XKR5: variants seen among roughly 807,000 people sequenced by gnomAD.
XKR5 encodes XK-related protein 5.
XKR5 carries 46 observed loss-of-function variants against 40.8 expected under a neutral mutation model. The observed-to-expected ratio is 1.13, with a 90% confidence interval of 0.89 to 1.44. The LOEUF is 1.44. XKR5 is among the 40% of genes most tolerant of loss of function. The pLI is 0.00. For synonymous variants in XKR5, 466 were observed against 356.1 expected (o/e 1.31, Z -3.48); for missense variants, 1,169 against 844.7 (o/e 1.38, Z -4.76).
intron 5 of XKR5, among the ~76,000 whole-genome samples, chr8:6,819,095 G>A (rs528949099): frequency 6.6e-6 from 1 of 152,328 alleles, no homozygotes; most frequent in East Asian, 1.9e-4. Context: ...AGGGATGTGG[G>A]GGTGGTACAC....
chr8:6,817,641 C>T (rs556337785), intron 5 of XKR5, among the ~76,000 whole-genome samples: 2 of 152,214 alleles, frequency 1.3e-5, no homozygotes, highest in Non-Finnish European at 2.9e-5. Context: ...ACTGTTTGTT[C>T]CAGCCAAAAC....
intron 6 of XKR5, among the ~76,000 whole-genome samples, chr8:6,814,844 T>G (rs772675100): frequency 2.2e-4 from 34 of 152,296 alleles, no homozygotes; most frequent in Middle Eastern, 6.8e-3. Flanking sequence ...GAACAGCCCC[T>G]GCATCTCACT....
At position 6,832,734 on chromosome 8, in the gene XKR5, C is replaced by T. The variant is rs756907395; in HGVS notation, c.225G>A (p.Gln75=). 2 of 1,613,016 alleles carry T rather than the reference C, an allele frequency of 1.2e-6. No homozygotes were observed. The highest frequency in any genetic ancestry group is 1.3e-5 in the African/African-American group (1 of 74,914). Residue 75 remains glutamine (Q), a synonymous_variant, in exon 2 of 7, where the codon CAG becomes CAA. Transcript: ENST00000618742. ...GTTCTTACCGCTTCCAAACACCAAG[C>T]TGTAGGAGGTGCAGCATCATCAAGG... ...HCSLMMLHLL[Q]LGVWKRHWDA...
chr8:6,823,622 A>T lies in XKR5; in HGVS notation c.536T>A (p.Leu179His), dbSNP rs376438991. The stretch of plus-strand genomic sequence containing the variant: ...CATCCTCCAGAGCTGCTGGCAGAAG[A>T]GGGCGGCCCATGGCATGGCCAGGTG... ...PGHLAMPWAA[L>H]FCQQLWRMGM... Residue 179 changes from leucine (L) to histidine (H), a missense_variant, in exon 4 of 7, where the codon CTC (leucine) becomes CAC (histidine). Transcript: ENST00000618742. 9 of 1,594,136 alleles carry T rather than the reference A, an allele frequency of 5.6e-6. No homozygotes were observed. In the African/African-American group the frequency reaches 8.0e-5, roughly 14 times the overall value.
intron 2 of XKR5, among the ~76,000 whole-genome samples, chr8:6,831,254 C>T (rs1189455507): frequency 1.3e-5 from 2 of 152,230 alleles, no homozygotes; most frequent in African/African-American, 4.8e-5. Flanking sequence ...ATGAGGCCCT[C>T]CGAAAGATCC....
intron 1 of XKR5, among the ~76,000 whole-genome samples, chr8:6,833,161 G>A (rs995391741): frequency 2.2e-4 from 33 of 152,166 alleles, no homozygotes; most frequent in Admixed American, 1.0e-3. Flanking sequence ...CCCCGCAGAA[G>A]GCAATCTTCT....
rs1804823238 is a variant in XKR5, at chr8:6,832,702, G to A, written c.242+15C>T. 6.2e-7 allele frequency: 1 copy of A among 1,612,236 alleles called. No homozygotes were observed. The highest frequency in any genetic ancestry group is 2.2e-5 in the East Asian group (1 of 44,798). ...GCAATTGTGCTCCAGAGGTGAAAGA[G>A]GCAGCTGTTCTTACCGCTTCCAAAC... On this transcript the variant is annotated intron_variant, in intron 2 of 6. Coordinates refer to ENST00000618742, the MANE Select transcript of XKR5 (RefSeq NM_207411.5).
chr8:6,811,829 G>C lies in XKR5; in HGVS notation c.1430C>G (p.Ala477Gly). Residue 477 changes from alanine (A) to glycine (G), a missense_variant, in exon 7 of 7, where the codon GCA becomes GGA. By Grantham distance (60) the Ala-to-Gly change is moderately conservative. Transcript: ENST00000618742. ...TGAGGTTTCCAATGGGTCGGCCTCT[G>C]CTTTAGGGACACCTTCAAACGCAGA... The part of the protein sequence containing the change: ...NSSAFEGVPK[A>G]EADPLETSSY... 1 of 1,537,674 alleles carries C rather than the reference G, an allele frequency of 6.5e-7. No homozygotes were observed. Among genetic ancestry groups the C allele is most frequent in the South Asian group, 1.2e-5 (1 of 84,068 alleles).
intron 1 of XKR5, among the ~76,000 whole-genome samples, chr8:6,833,875 C>T (rs1370583954): frequency 1.3e-5 from 2 of 152,226 alleles, no homozygotes; most frequent in Non-Finnish European, 1.5e-5. Flanking sequence ...CAATATACGA[C>T]ATGTGTGAAG....
At chr8:6,834,946 C>T (rs1804943933) in intron 1 of XKR5, among the ~76,000 whole-genome samples, 1 of 152,216 alleles carries the variant, frequency 6.6e-6, no homozygotes, top group Non-Finnish European at 1.5e-5. Context: ...TCCCCCTCCC[C>T]CCGCCACCCC....
chr8:6,820,042 A>G (rs976002703), intron 5 of XKR5, among the ~76,000 whole-genome samples: 1 of 152,224 alleles, frequency 6.6e-6, no homozygotes, highest in Non-Finnish European at 1.5e-5. Context: ...AATCCTAGCA[A>G]CAACCATTTC....
chr8:6,812,176 T>C lies in XKR5; in HGVS notation c.1083A>G (p.Ser361=). The C allele has an allele frequency of 6.4e-7, 1 of 1,551,784 alleles. No homozygotes were observed. The highest frequency in any genetic ancestry group is 2.0e-5 in the Admixed American group (1 of 51,006). Residue 361 remains serine (S), a synonymous_variant, in exon 7 of 7, where the codon TCA becomes TCG. Transcript: ENST00000618742. ...TDLAGKRTES[S]GSCQGASYEP... is the part of the protein sequence containing the mutation. ...CATAACTTGCCCCTTGGCATGAGCC[T>C]GAGCTCTCGGTTCTCTTCCCAGCTA... is the stretch of plus-strand genomic sequence containing the variant.
In XKR5 at chr8:6,821,970, G is replaced by A. The variant is rs2117097901; in HGVS notation, c.706C>T (p.His236Tyr). The A allele has an allele frequency of 6.2e-7, 1 of 1,610,180 alleles. No homozygotes were observed. Among genetic ancestry groups the A allele is most frequent in the Non-Finnish European group, 8.5e-7 (1 of 1,178,182 alleles). ...QQSDIIDSTC[H>Y]WRLFNLLVGA... is the part of the protein sequence containing the mutation. ...ACGAGCAGGTTGAACAGCCTCCAGT[G>A]GCAGGTGCTGTCGATGATGTCACTC... is the stretch of plus-strand genomic sequence containing the variant. Residue 236 changes from histidine (H) to tyrosine (Y), a missense_variant, in exon 5 of 7, where the codon CAC becomes TAC. Coordinates refer to ENST00000618742, the MANE Select transcript of XKR5 (RefSeq NM_207411.5).
chr8:6,830,824 C>A (rs1006101940), intron 2 of XKR5, among the ~76,000 whole-genome samples: 1 of 152,060 alleles, frequency 6.6e-6, no homozygotes, highest in African/African-American at 2.4e-5. Flanking sequence ...AAAATCATGG[C>A]ATCACTTAAG....
At chr8:6,831,183 C>G (rs1179172913) in intron 2 of XKR5, among the ~76,000 whole-genome samples, 1 of 152,200 alleles carries the variant, frequency 6.6e-6, no homozygotes, top group Non-Finnish European at 1.5e-5. Flanking sequence ...GATTACTGGG[C>G]TGGGCCGATC....
intron 2 of XKR5, among the ~76,000 whole-genome samples, chr8:6,830,353 G>T (rs1382713016): frequency 6.6e-6 from 1 of 152,210 alleles, no homozygotes; most frequent in Non-Finnish European, 1.5e-5. Flanking sequence ...TTCACTCAGT[G>T]TTGTCTTTGA....
rs369835486 is a variant in XKR5 at position 6,811,688 on chromosome 8, C to T, written c.1571G>A (p.Gly524Glu). ...TCTCTGCTGCCCACCTGTCCCCTTCCCCTGTGTCCCAGAAACAGCGTCAGC... is the reference window on the plus strand; with the variant it reads ...TCTCTGCTGCCCACCTGTCCCCTTCTCCTGTGTCCCAGAAACAGCGTCAGC... ...EGADAVSGTQ[G>E]KGTGGQQRGG... The change falls in exon 7 of 7, where the codon GGG (glycine) becomes GAG (glutamate). Residue 524 changes from glycine to glutamate, a missense_variant. Coordinates refer to ENST00000618742, the MANE Select transcript of XKR5 (RefSeq NM_207411.5). 3 of 1,537,738 alleles carry T rather than the reference C, an allele frequency of 2.0e-6. No homozygotes were observed. Among genetic ancestry groups the T allele is most frequent in the South Asian group, 1.2e-5 (1 of 84,056 alleles).
chr8:6,818,480 G>A (rs1273521914), intron 5 of XKR5, among the ~76,000 whole-genome samples: 1 of 152,250 alleles, frequency 6.6e-6, no homozygotes, highest in Non-Finnish European at 1.5e-5. Flanking sequence ...CAGCACAGGA[G>A]GAAGCTCAAT....
At chr8:6,816,687 AT>A (rs1803972989) in intron 5 of XKR5, among the ~76,000 whole-genome samples, 1 of 110,648 alleles carries the variant, frequency 9.0e-6, no homozygotes, top group Non-Finnish European at 1.8e-5. Context: ...ATTTAATTTA[AT>A]TAAAAATAAT....
Sources: gnomAD v4.1 joint callset for allele counts (sites outside exome capture counted in the v4.1 genomes callset) on GRCh38, gnomAD v4.1.1 for gene constraint, MANE v1.5 for transcripts, NCBI Gene and HGNC (gene_info 2026-07-23, HGNC 2026-07-21) for gene names.